The following KCNH5 variants were observed in gnomAD, a reference collection of about 807,000 sequenced individuals.
KCNH5 encodes the protein voltage-gated delayed rectifier potassium channel KCNH5.
In KCNH5, 46 loss-of-function variants were observed where a neutral mutation model predicts 96.1. That is an observed-to-expected ratio of 0.48 (90% CI 0.38 to 0.61). The LOEUF (loss-of-function observed/expected upper bound fraction) is 0.61, where lower values mean the gene tolerates loss of function less well. Ranked by LOEUF, KCNH5 falls within the 20% of genes least tolerant of loss-of-function variation. The pLI is 0.00. For missense variants in KCNH5, 907 were observed against 1,225.8 expected, an observed-to-expected ratio of 0.74 and a Z score of 3.88; for synonymous variants, 439 against 449.8, an observed-to-expected ratio of 0.98 and a Z score of 0.30.
intron 7 of KCNH5, among the ~76,000 whole-genome samples, chr14:62,859,605 G>T (rs1394736734): frequency 6.6e-6 from 1 of 152,146 alleles, no homozygotes; most frequent in Non-Finnish European, 1.5e-5. Context: ...TCAAGTCCCT[G>T]ACCATCCAGC....
intron 4 of KCNH5, among the ~76,000 whole-genome samples, chr14:62,991,740 C>T (rs1403645643): frequency 6.6e-6 from 1 of 151,992 alleles, no homozygotes; most frequent in Non-Finnish European, 1.5e-5. Flanking sequence ...TTTCTCACAA[C>T]ACCTATGCTG....
chr14:62,753,570 A>G (rs963627198), intron 10 of KCNH5, among the ~76,000 whole-genome samples: 3 of 152,184 alleles, frequency 2.0e-5, no homozygotes, highest in Admixed American at 2.0e-4. Flanking sequence ...GGCCAAGGGT[A>G]AAGAAAGGTT....
intron 7 of KCNH5, among the ~76,000 whole-genome samples, chr14:62,880,720 C>A (rs1406127771): frequency 6.6e-6 from 1 of 152,166 alleles, no homozygotes; most frequent in Non-Finnish European, 1.5e-5. Context: ...ATAATTTTAT[C>A]ATGATTAGTG....
At chr14:63,021,898 G>A (rs1891435111) in intron 1 of KCNH5, among the ~76,000 whole-genome samples, 1 of 152,118 alleles carries the variant, frequency 6.6e-6, no homozygotes, top group Admixed American at 6.6e-5. Flanking sequence ...TTACCAATAA[G>A]TATACATTAG....
intron 1 of KCNH5, among the ~76,000 whole-genome samples, chr14:63,020,606 T>A (rs949576442): frequency 6.6e-6 from 1 of 152,108 alleles, no homozygotes; most frequent in African/African-American, 2.4e-5. Context: ...TATTATATGA[T>A]GATAGGGACC....
rs928959236 is a variant in KCNH5, at chr14:62,712,449, C to G, written c.2020-3994G>C. On this transcript the variant is annotated intron_variant, in intron 10 of 10. Coordinates refer to ENST00000322893, the MANE Select transcript of KCNH5 (RefSeq NM_139318.5). ...ACTGTAGGACACAGGTCATATTATT[C>G]TTTTATCACAGAGAAGCAAATTGAG... 7 of 584,278 alleles carry G rather than the reference C, an allele frequency of 1.2e-5. 1 individual carries two copies. Among genetic ancestry groups the G allele is most frequent in the South Asian group, 8.2e-5 (4 of 48,960 alleles). The allele number at this position is 584,278 out of a possible 1,614,324, so 36.2% of individuals were successfully genotyped here. A position where few individuals can be genotyped will look rare whatever the true frequency, so the allele number is the denominator to read the frequency against.
chr14:62,983,105 A>G (rs1890640330), intron 5 of KCNH5, among the ~76,000 whole-genome samples: 1 of 152,182 alleles, frequency 6.6e-6, no homozygotes, highest in African/African-American at 2.4e-5. Context: ...AAATAAATCA[A>G]ACTTGGGAAA....
intron 5 of KCNH5, among the ~76,000 whole-genome samples, chr14:62,985,851 C>T (rs911332829): frequency 1.3e-5 from 2 of 152,176 alleles, no homozygotes; most frequent in African/African-American, 4.8e-5. Flanking sequence ...GCTCTTCAAA[C>T]TTTGTATGCC....
chr14:63,029,191 T>G (rs1302097250), intron 1 of KCNH5, among the ~76,000 whole-genome samples: 1 of 152,190 alleles, frequency 6.6e-6, no homozygotes. Flanking sequence ...CTAAGTCTAC[T>G]TTATATGAGA....
intron 3 of KCNH5, among the ~76,000 whole-genome samples, chr14:63,004,902 A>C (rs1358832499): frequency 6.6e-6 from 1 of 152,232 alleles, no homozygotes; most frequent in Non-Finnish European, 1.5e-5. Context: ...ATTTTGCTTA[A>C]ATGTCAGAGA....
At chr14:62,877,293 T>C (rs1595666853) in intron 7 of KCNH5, among the ~76,000 whole-genome samples, 1 of 151,702 alleles carries the variant, frequency 6.6e-6, no homozygotes, top group East Asian at 1.9e-4. Flanking sequence ...GGCAAGGACT[T>C]CATGTCTAAA....
At chr14:62,961,336 T>C (rs953771167) in intron 6 of KCNH5, among the ~76,000 whole-genome samples, 1 of 152,134 alleles carries the variant, frequency 6.6e-6, no homozygotes, top group African/African-American at 2.4e-5. Context: ...TCTCCAAACA[T>C]GCTGTTTAAA....
intron 2 of KCNH5, among the ~76,000 whole-genome samples, chr14:63,011,733 T>TTTTCA (rs1164634703): frequency 6.6e-6 from 1 of 152,138 alleles, no homozygotes; most frequent in African/African-American, 2.4e-5. Flanking sequence ...CCTTCAACAC[T>TTTTCA]TTTCATCAGT....
chr14:62,952,373 T>C (rs1001767511), intron 6 of KCNH5, among the ~76,000 whole-genome samples: 2 of 152,196 alleles, frequency 1.3e-5, no homozygotes, highest in African/African-American at 4.8e-5. Flanking sequence ...CTTTCAAAAA[T>C]GGAACAGTGC....
intron 9 of KCNH5, among the ~76,000 whole-genome samples, chr14:62,800,402 T>A (rs536879927): frequency 4.9e-4 from 74 of 152,320 alleles, no homozygotes; most frequent in African/African-American, 1.7e-3. Flanking sequence ...ATGCATTTTG[T>A]CTGTCTCACT....
chr14:63,043,931 G>A (rs1412842911), intron 1 of KCNH5, among the ~76,000 whole-genome samples: 1 of 152,162 alleles, frequency 6.6e-6, no homozygotes, highest in Non-Finnish European at 1.5e-5. Flanking sequence ...CTTAAGAAGA[G>A]GGGATGTGTA....
chr14:63,001,501 C>A, intron 3 of KCNH5, 42 bp from the exon 4 acceptor site: 1 of 1,571,412 alleles, frequency 6.4e-7, no homozygotes. Context: ...TAGAGTGTGG[C>A]ACGGCCACAG....
chr14:62,999,805 T>G (rs1890978312), intron 4 of KCNH5, among the ~76,000 whole-genome samples: 1 of 149,936 alleles, frequency 6.7e-6, no homozygotes, highest in South Asian at 2.1e-4. Context: ...ATGGCACATG[T>G]ATACATATGT....
At chr14:62,969,203 T>C (rs891154287) in intron 6 of KCNH5, among the ~76,000 whole-genome samples, 155 of 152,222 alleles carry the variant, frequency 1.0e-3, no homozygotes, top group African/African-American at 3.5e-3. Context: ...TAAAATAATT[T>C]GAACTATACG....
Sources: allele counts gnomAD v4.1 joint callset (sites outside exome capture counted in the v4.1 genomes callset), GRCh38; gene constraint gnomAD v4.1.1; transcripts MANE v1.5; gene names NCBI Gene and HGNC (gene_info 2026-07-23, HGNC 2026-07-21).